ZNF563: variants seen among roughly 807,000 people sequenced by gnomAD.
ZNF563 encodes the protein zinc finger protein 563.
Under a neutral mutation model 48.5 loss-of-function variants are expected in ZNF563, and 39 were observed. The ratio of observed to expected loss-of-function variants is 0.80; its 90% confidence interval spans 0.62 to 1.05. The LOEUF is 1.05. ZNF563 is among the 50% of genes least tolerant of loss of function. The probability of loss-of-function intolerance (pLI) is 0.00; values close to 1 mark genes in which losing one functional copy is unlikely to be tolerated. For synonymous variants in ZNF563, 168 were observed against 187.9 expected (o/e 0.89, Z 0.87); for missense variants, 538 against 597.0 (o/e 0.90, Z 1.03).
chr19:12,344,190 C>T, the ZNF563 span, among the ~76,000 whole-genome samples: 76 of 151,948 alleles, frequency 5.0e-4, no homozygotes, highest in African/African-American at 1.7e-3. Flanking sequence ...CCCAGCAATT[C>T]GAGACCAGCC....
chr19:12,325,565 G>T (rs1415517624), intron 1 of ZNF563, among the ~76,000 whole-genome samples: 1 of 151,562 alleles, frequency 6.6e-6, no homozygotes, highest in Admixed American at 6.6e-5. Context: ...GTATTCAAAA[G>T]CACCCATTAT....
At chr19:12,335,528 A>G (rs28877945), upstream of ZNF563, among the ~76,000 whole-genome samples, 7,422 of 152,278 alleles carry the variant, frequency 0.049, 603 homozygotes, top group African/African-American at 0.17. Flanking sequence ...AACAATAGCT[A>G]ATGAGCTTAA....
chr19:12,318,563 G>A lies in ZNF563; in HGVS notation c.*31C>T. On this transcript the variant is annotated 3_prime_UTR_variant, in exon 4 of 4. Coordinates refer to ENST00000293725, the MANE Select transcript of ZNF563 (RefSeq NM_145276.3). Reference sequence around the variant, plus strand: ...TTATTCATGATATCAAAGGGAACTGGAAATATAGAAGGCTTTATAATAGTT... The same window carrying A: ...TTATTCATGATATCAAAGGGAACTGAAAATATAGAAGGCTTTATAATAGTT... 1 of 1,582,454 alleles carries A rather than the reference G, an allele frequency of 6.3e-7. No individual in the cohort carries two copies. The highest frequency in any genetic ancestry group is 1.2e-5 in the South Asian group (1 of 85,984).
chr19:12,322,630 A>G lies in ZNF563; in HGVS notation c.85T>C (p.Tyr29His). 1.2e-6 allele frequency: 2 copies of G among 1,609,596 alleles called. No individual in the cohort carries two copies. Among genetic ancestry groups the G allele is most frequent in the Non-Finnish European group, 1.7e-6 (2 of 1,177,426 alleles). The change falls in exon 2 of 4, where the codon TAC becomes CAC. Residue 29 changes from tyrosine to histidine, a missense_variant. By Grantham distance (83) the Tyr-to-His change is moderately conservative (BLOSUM62 2). Coordinates refer to ENST00000293725, the MANE Select transcript of ZNF563 (RefSeq NM_145276.3). ...ATGGTTTCTTGCATCACATATCTGT[A>G]TAAATTCTTCTGTGATGGACCCAGC... ...ALLGPSQKNLYRYVMQETIRN... is the reference protein window; with the variant it reads ...ALLGPSQKNLHRYVMQETIRN...
In ZNF563 at chr19:12,317,645, CGGGTA is replaced by C. The variant is rs1373538576; in HGVS notation, c.*944_*948del. On this transcript the variant is annotated 3_prime_UTR_variant, in exon 4 of 4. Coordinates refer to ENST00000293725, the MANE Select transcript of ZNF563 (RefSeq NM_145276.3). ...GATTACAGGCATGTGCCATCACATC[CGGGTA>C]ATTTTGTACCAAATATGTCATTTTT... 4.6e-5 allele frequency: 7 copies of C among 152,104 alleles called. No homozygotes were observed. The highest frequency in any genetic ancestry group is 1.7e-4 in the African/African-American group (7 of 41,486). 9.4% of individuals were successfully genotyped at this position (152,104 alleles called of 1,614,324 possible). A position where few individuals can be genotyped will look rare whatever the true frequency, so the allele number is the denominator to read the frequency against.
intron 1 of ZNF563, among the ~76,000 whole-genome samples, chr19:12,332,910 G>A (rs909821057): frequency 6.6e-6 from 1 of 152,124 alleles, no homozygotes; most frequent in Non-Finnish European, 1.5e-5. Context: ...GGCGTTACCG[G>A]CCCAGATAGC....
intron 1 of ZNF563, among the ~76,000 whole-genome samples, chr19:12,326,213 AAAAG>A (rs1968790760): frequency 6.6e-6 from 1 of 152,332 alleles, no homozygotes; most frequent in African/African-American, 2.4e-5. Context: ...AGAAAAAACT[AAAAG>A]AAAATCAGAA....
the ZNF563 span, among the ~76,000 whole-genome samples, chr19:12,339,876 A>G: frequency 9.9e-5 from 15 of 152,250 alleles, no homozygotes; most frequent in Admixed American, 2.0e-4. Flanking sequence ...AATGCACATT[A>G]TACTAAAGCT....
intron 1 of ZNF563, 60 bp from the exon 2 acceptor site, chr19:12,322,771 C>G: frequency 6.7e-7 from 1 of 1,488,230 alleles, no homozygotes; most frequent in South Asian, 1.3e-5. Flanking sequence ...AAAAACTATA[C>G]TCAGTTCATA....
At chr19:12,334,885 A>G (rs1338250415), upstream of ZNF563, among the ~76,000 whole-genome samples, 2 of 151,476 alleles carry the variant, frequency 1.3e-5, no homozygotes, top group Non-Finnish European at 2.9e-5. Flanking sequence ...AAAAAAAAAA[A>G]AAAAAAAAAG....
Position 12,318,777 on chromosome 19 carries a change from A to T in ZNF563, c.1248T>A (p.Ser416Arg). 2 of 1,614,154 alleles carry T rather than the reference A, an allele frequency of 1.2e-6. No homozygotes were observed. The highest frequency in any genetic ancestry group is 4.5e-5 in the East Asian group (2 of 44,870). ...GCTTGCATTCATAGGGTTTCTCTCCACTGTGAGACTTTTCGTGTCTTTGAC... is the reference window on the plus strand; with the variant it reads ...GCTTGCATTCATAGGGTTTCTCTCCTCTGTGAGACTTTTCGTGTCTTTGAC... Reference protein sequence around the residue: ...SVCQRHEKSHSGEKPYECKQC... With the variant: ...SVCQRHEKSHRGEKPYECKQC... Residue 416 changes from serine to arginine, a missense_variant, in exon 4 of 4, where the codon AGT becomes AGA. Physicochemically the swap from Ser to Arg is moderately radical, Grantham distance 110 (BLOSUM62 -1). Transcript: ENST00000293725.
chr19:12,340,162 G>A, the ZNF563 span, among the ~76,000 whole-genome samples: 2 of 151,928 alleles, frequency 1.3e-5, no homozygotes, highest in African/African-American at 2.4e-5. Context: ...TGGCAAAACC[G>A]GTCTCTACAG....
upstream of ZNF563, among the ~76,000 whole-genome samples, chr19:12,337,681 G>T (rs1252592284): frequency 6.6e-6 from 1 of 152,034 alleles, no homozygotes; most frequent in East Asian, 1.9e-4. Context: ...ACCTTAATTG[G>T]ATTTCCCTGA....
intron 1 of ZNF563, among the ~76,000 whole-genome samples, chr19:12,330,763 C>A (rs1226469632): frequency 6.6e-6 from 1 of 152,308 alleles, no homozygotes; most frequent in Non-Finnish European, 1.5e-5. Flanking sequence ...TACAGACCTG[C>A]CTGTTTTCAT....
At chr19:12,347,368 T>A in the ZNF563 span, 1 of 152,178 alleles carries the variant, frequency 6.6e-6, no homozygotes, top group Non-Finnish European at 1.5e-5. Context: ...TACTACTTCA[T>A]TGGGTGTTGG....
chr19:12,325,981 C>A (rs926576344), intron 1 of ZNF563, among the ~76,000 whole-genome samples: 1 of 152,080 alleles, frequency 6.6e-6, no homozygotes. Context: ...GAACAGCAAA[C>A]AATGAAGGGG....
In ZNF563 at chr19:12,333,507, G is replaced by A. The variant is rs377237628; in HGVS notation, c.-25C>T. 10 of 1,613,434 alleles carry A rather than the reference G, an allele frequency of 6.2e-6. No homozygotes were observed. The African/African-American group carries it at 8.0e-5, about 13-fold the overall frequency. ...TTTCCCGGCTTCCGGGATGTTCCAG[G>A]GTCCTCCCTCTGCCTCCCGCTGCCA... On this transcript the variant is annotated 5_prime_UTR_variant, in exon 1 of 4. Coordinates refer to ENST00000293725, the MANE Select transcript of ZNF563 (RefSeq NM_145276.3).
At chr19:12,333,406 T>C (rs1968971609) in intron 1 of ZNF563, 74 bp downstream of exon 1, 1 of 1,572,506 alleles carries the variant, frequency 6.4e-7, no homozygotes, top group Admixed American at 1.8e-5. Flanking sequence ...GAGGCCCACG[T>C]TCGCCGCGGC....
At chr19:12,343,481 T>C in the ZNF563 span, among the ~76,000 whole-genome samples, 1 of 152,008 alleles carries the variant, frequency 6.6e-6, no homozygotes, top group Non-Finnish European at 1.5e-5. Context: ...TTAATATTTT[T>C]TAAAAGGCAC....
Sources: allele counts gnomAD v4.1 joint callset (sites outside exome capture counted in the v4.1 genomes callset), GRCh38; gene constraint gnomAD v4.1.1; transcripts MANE v1.5; gene names NCBI Gene and HGNC (gene_info 2026-07-23, HGNC 2026-07-21).